Variants in LAMC3 observed in about 807,000 individuals in gnomAD.
The protein encoded by LAMC3 is laminin subunit gamma-3.
A neutral mutation model predicts 173.8 loss-of-function variants in LAMC3; 128 were observed. That is an observed-to-expected ratio of 0.74 (90% CI 0.64 to 0.85). The LOEUF is 0.85. Among genes scored for constraint, LAMC3 ranks in the 40% least tolerant of loss-of-function variants. The pLI, the probability that LAMC3 is intolerant of heterozygous loss-of-function variation, is 0.00. For missense variants in LAMC3, 2,022 were observed against 2,156.0 expected, an observed-to-expected ratio of 0.94 and a Z score of 1.23; for synonymous variants, 897 against 909.1, an observed-to-expected ratio of 0.99 and a Z score of 0.24.
chr9:131,041,608 A>T (rs754560657), intron 6 of LAMC3, 29 bp from the exon 7 acceptor site: 1 of 1,605,678 alleles, frequency 6.2e-7, no homozygotes, highest in Non-Finnish European at 8.5e-7. Flanking sequence ...CTCATTGCAC[A>T]TTTTCCTCTT....
intron 7 of LAMC3, among the ~76,000 whole-genome samples, chr9:131,045,236 AC>A (rs376492535): frequency 2.9e-3 from 309 of 108,390 alleles, no homozygotes; most frequent in Non-Finnish European, 4.6e-3. Flanking sequence ...AAAAAAAAAA[AC>A]AACAACAACA....
intron 1 of LAMC3, among the ~76,000 whole-genome samples, chr9:131,012,361 G>A (rs974853566): frequency 6.6e-6 from 1 of 152,214 alleles, no homozygotes; most frequent in African/African-American, 2.4e-5. Context: ...GTACCGTACG[G>A]ATAAGAGTCG....
intron 15 of LAMC3, 124 bp downstream of exon 15, chr9:131,068,355 T>C (rs1187769318): frequency 3.0e-6 from 3 of 992,230 alleles, no homozygotes; most frequent in Non-Finnish European, 4.4e-6. Flanking sequence ...AGGCACATTG[T>C]GCCCTTTGCC....
chr9:131,045,524 A>C lies in LAMC3; in HGVS notation c.1383A>C (p.Arg461Ser). The change falls in exon 8 of 28, where the codon AGA (arginine) becomes AGC (serine). Residue 461 changes from arginine (R) to serine (S), a missense_variant and splice_region_variant. Physicochemically the swap from Arg to Ser is moderately radical, Grantham distance 110. Transcript: ENST00000361069. ...KENVEGNLCD[R>S]CRPGTFNLQP... Reference sequence around the variant, plus strand: ...TGGGCATGTCCTGCCTCCATTTCAGATGTCGCCCGGGGACCTTTAACCTGC... The same window carrying C: ...TGGGCATGTCCTGCCTCCATTTCAGCTGTCGCCCGGGGACCTTTAACCTGC... The C allele has an allele frequency of 6.2e-7, 1 of 1,613,430 alleles. No individual in the cohort carries two copies. Among genetic ancestry groups the C allele is most frequent in the Non-Finnish European group, 8.5e-7 (1 of 1,180,014 alleles).
chr9:131,024,504 G>C (rs923951832), intron 1 of LAMC3, among the ~76,000 whole-genome samples: 2 of 152,010 alleles, frequency 1.3e-5, no homozygotes, highest in South Asian at 2.1e-4. Context: ...GCTTGTCCTC[G>C]GCACCTAAGG....
At chr9:131,054,857 GAAAA>G (rs1028128872) in intron 11 of LAMC3, among the ~76,000 whole-genome samples, 8 of 151,996 alleles carry the variant, frequency 5.3e-5, no homozygotes, top group Non-Finnish European at 8.8e-5. Context: ...GGAGGGAAAA[GAAAA>G]GAAAGAAAGG....
intron 6 of LAMC3, among the ~76,000 whole-genome samples, chr9:131,040,014 G>GC (rs1265598954): frequency 1.8e-5 from 2 of 109,810 alleles, no homozygotes; most frequent in Non-Finnish European, 4.0e-5. Flanking sequence ...AAATTTAGAA[G>GC]CTTTTTTTTT....
intron 27 of LAMC3, among the ~76,000 whole-genome samples, chr9:131,089,911 G>A (rs990159070): frequency 6.6e-5 from 10 of 151,644 alleles, no homozygotes; most frequent in South Asian, 2.1e-4. Flanking sequence ...TTCTTTTGCC[G>A]TTTTGCAGAT....
At position 131,009,737 on chromosome 9, in the gene LAMC3, C is replaced by A; in HGVS notation, c.373+150C>A. On this transcript the variant is annotated intron_variant, in intron 1 of 27. Coordinates refer to ENST00000361069, the MANE Select transcript of LAMC3 (RefSeq NM_006059.4). This position sits in a 1 kb window ranked among gnomAD's most constrained non-coding sequence, Gnocchi z 4.3. ...GAGGGGCTCAGAAATAGGAATTAGG[C>A]TGGGTGCGGTGGCTCACTCCTGAAA... 1 of 997,022 alleles carries A rather than the reference C, an allele frequency of 1.0e-6. No homozygotes were observed. Among genetic ancestry groups the A allele is most frequent in the Non-Finnish European group, 1.5e-6 (1 of 688,406 alleles). 61.8% of individuals were successfully genotyped at this position (997,022 alleles called of 1,614,324 possible). A position where few individuals can be genotyped will look rare whatever the true frequency, so the allele number is the denominator to read the frequency against.
chr9:131,077,026 A>G (rs1489437451), intron 21 of LAMC3, among the ~76,000 whole-genome samples, 161 bp from the exon 22 acceptor site: 2 of 152,252 alleles, frequency 1.3e-5, no homozygotes, highest in Non-Finnish European at 2.9e-5. Context: ...GCTTCAGAGA[A>G]GCAGCCACTT....
rs756725535 is a variant in LAMC3 at position 131,052,473 on chromosome 9, T to G, written c.1631-18T>G. ...TAACCATATGAAGACTGTCAAAGCCTTCTTCTCTTGTCTTCAGAGAAGTTC... is the reference window on the plus strand; with the variant it reads ...TAACCATATGAAGACTGTCAAAGCCGTCTTCTCTTGTCTTCAGAGAAGTTC... On this transcript the variant is annotated intron_variant, in intron 9 of 27. Transcript: ENST00000361069. 8.1e-6 allele frequency: 13 copies of G among 1,604,968 alleles called. 1 individual carries two copies. The East Asian group carries it at 1.1e-4, about 14-fold the overall frequency.
chr9:131,018,376 C>A (rs916758259), intron 1 of LAMC3, among the ~76,000 whole-genome samples: 1 of 151,966 alleles, frequency 6.6e-6, no homozygotes, highest in Non-Finnish European at 1.5e-5. Context: ...CTCAGGTGAT[C>A]CCCCTGCCTC....
In LAMC3 at chr9:131,009,822, G is replaced by T. The variant is rs1833379889; in HGVS notation, c.373+235G>T. ...GCTTGAGCCCAGGAGTTCAAGATCA[G>T]CCTGGGCAACGTAGTGAGATCCCAT... On this transcript the variant is annotated intron_variant, in intron 1 of 27. Coordinates refer to ENST00000361069, the MANE Select transcript of LAMC3 (RefSeq NM_006059.4). The surrounding 1 kb of genome is among the most constrained non-coding windows in gnomAD (Gnocchi z 4.3). Among the ~76,000 whole-genome samples the T allele has an allele frequency of 6.6e-6, 1 of 152,056 alleles. No homozygotes were observed. The highest frequency in any genetic ancestry group is 6.6e-5 in the Admixed American group (1 of 15,266).
intron 13 of LAMC3, among the ~76,000 whole-genome samples, chr9:131,062,802 GA>G (rs1285316046): frequency 6.6e-6 from 1 of 151,902 alleles, no homozygotes; most frequent in Non-Finnish European, 1.5e-5. Flanking sequence ...CCAGGAGGCG[GA>G]GTTTGCAGTG....
chr9:131,050,979 G>T (rs1398745829), intron 9 of LAMC3, among the ~76,000 whole-genome samples: 1 of 152,130 alleles, frequency 6.6e-6, no homozygotes, highest in Admixed American at 6.5e-5. Context: ...TCGGAGTGCA[G>T]CCGGGGCATG....
chr9:131,040,064 G>T (rs1834020795), intron 6 of LAMC3, among the ~76,000 whole-genome samples: 1 of 148,712 alleles, frequency 6.7e-6, no homozygotes, highest in Non-Finnish European at 1.5e-5. Flanking sequence ...AACCAGGCTG[G>T]AATGCAGTGG....
rs962682677 is a variant in LAMC3 at position 131,060,235 on chromosome 9, C to G, written c.2159-800C>G. 7.9e-5 allele frequency among the ~76,000 whole-genome samples: 12 copies of G among 152,340 alleles called. No individual in the cohort carries two copies. In the South Asian group the frequency reaches 8.3e-4, roughly 11 times the overall value. On this transcript the variant is annotated intron_variant, in intron 12 of 27. Coordinates refer to ENST00000361069, the MANE Select transcript of LAMC3 (RefSeq NM_006059.4). ...GAAGGCCAGAATTCTGGGTCTGTGT[C>G]TCCCTTAGGAAACGTTGCTCTTCCT...
intron 1 of LAMC3, among the ~76,000 whole-genome samples, chr9:131,025,186 A>G (rs976296789): frequency 1.3e-5 from 2 of 152,046 alleles, no homozygotes; most frequent in African/African-American, 4.8e-5. Flanking sequence ...GCGCTCTCTG[A>G]GCCATTTCTG....
intron 1 of LAMC3, among the ~76,000 whole-genome samples, chr9:131,010,847 C>A (rs1420020985): frequency 1.3e-5 from 2 of 152,196 alleles, no homozygotes; most frequent in Non-Finnish European, 2.9e-5. Context: ...CCCCTGCCCC[C>A]ACTGCAGGGA....
Sources: allele counts gnomAD v4.1 joint callset (sites outside exome capture counted in the v4.1 genomes callset), GRCh38; gene constraint gnomAD v4.1.1; non-coding constraint Gnocchi (gnomAD v3.1); transcripts MANE v1.5; gene names NCBI Gene and HGNC (gene_info 2026-07-23, HGNC 2026-07-21).